The following NUDT10 variants were observed in gnomAD, a reference collection of about 807,000 sequenced individuals.
The protein encoded by NUDT10 is nudix hydrolase 10, also known as diphosphoinositol polyphosphate phosphohydrolase 3-alpha.
A neutral mutation model predicts 10.5 loss-of-function variants in NUDT10; 2 were observed. That is an observed-to-expected ratio of 0.19 (90% confidence interval 0.08 to 0.60). The LOEUF is 0.60. Among genes scored for constraint, NUDT10 ranks in the 20% least tolerant of loss-of-function variants. The pLI, the probability that NUDT10 is intolerant of heterozygous loss-of-function variation, is 0.89. For synonymous variants in NUDT10, 53 were observed against 71.8 expected, an observed-to-expected ratio of 0.74 and a Z score of 1.32; for missense variants, 75 against 149.5, an observed-to-expected ratio of 0.50 and a Z score of 2.60.
intron 1 of NUDT10, among the ~76,000 whole-genome samples, 181 bp downstream of exon 1, chrX:51,333,640 G>A (rs1922749995): frequency 9.3e-6 from 1 of 107,894 alleles, no homozygotes; most frequent in Non-Finnish European, 1.9e-5. Context: ...CAGTTGGCAC[G>A]TTTTTCAGTT....
At chrX:51,335,793 G>A (rs1922823194) in intron 1 of NUDT10, among the ~76,000 whole-genome samples, 1 of 112,121 alleles carries the variant, frequency 8.9e-6, no homozygotes, top group Admixed American at 9.4e-5. Flanking sequence ...GCTGGCCAGA[G>A]TTTTATTTTT....
Position 51,332,848 on chromosome X carries a change from T to C in NUDT10, c.-118T>C, listed in dbSNP as rs1922708522. ...GACGGCAGACGGAGGCGCCTCTCTC[T>C]CCCCGCCCCTCTCCTCGGCCCTTTC... is the stretch of plus-strand genomic sequence containing the variant. On this transcript the variant is annotated 5_prime_UTR_variant, in exon 1 of 2. Coordinates refer to ENST00000356450, the MANE Select transcript of NUDT10 (RefSeq NM_001304963.2). 6 of 1,036,372 alleles carry C rather than the reference T, an allele frequency of 5.8e-6. No individual in the cohort carries two copies. The highest frequency in any genetic ancestry group is 7.6e-6 in the Non-Finnish European group (6 of 786,862). The allele number at this position is 1,036,372 out of a possible 1,213,427, so 85.4% of individuals were successfully genotyped here. A position where few individuals can be genotyped will look rare whatever the true frequency, so the allele number is the denominator to read the frequency against.
upstream of NUDT10, chrX:51,332,702 G>C (rs1922697724): frequency 2.6e-6 from 1 of 378,068 alleles, no homozygotes; most frequent in Non-Finnish European, 4.5e-6. Context: ...CGGCGGGCCC[G>C]GGTTCGGCCG....
rs1557312203 is a variant in NUDT10 at position 51,332,833 on chromosome X, G to A, written c.-133G>A. On this transcript the variant is annotated 5_prime_UTR_variant, in exon 1 of 2. Transcript: ENST00000356450. ...CCGGGCTCGGGGGCAGACGGCAGAC[G>A]GAGGCGCCTCTCTCTCCCCGCCCCT... 5 of 982,573 alleles carry A rather than the reference G, an allele frequency of 5.1e-6. No homozygotes were observed. The highest frequency in any genetic ancestry group is 5.4e-5 in the South Asian group (2 of 36,926). 81.0% of individuals were successfully genotyped at this position (982,573 alleles called of 1,213,427 possible).
chrX:51,333,769 GGCGA>G (rs1922758416), intron 1 of NUDT10, among the ~76,000 whole-genome samples: 1 of 67,539 alleles, frequency 1.5e-5, no homozygotes, highest in African/African-American at 5.3e-5. Context: ...GGGGGTGGGG[GGCGA>G]GGGGTGGGCG....
At position 51,333,051 on chromosome X, in the gene NUDT10, G is replaced by T; in HGVS notation, c.86G>T (p.Arg29Leu). The T allele has an allele frequency of 2.5e-6, 3 of 1,210,702 alleles. No individual in the cohort carries two copies. The highest frequency in any genetic ancestry group is 3.4e-6 in the Non-Finnish European group (3 of 895,022). ...RAACLCFRSEREDEVLLVSSS... is the reference protein window; with the variant it reads ...RAACLCFRSELEDEVLLVSSS... ...GCGTGCCTGTGCTTCCGGAGCGAGCGCGAGGACGAGGTCCTGTTAGTGAGT... is the reference window on the plus strand; with the variant it reads ...GCGTGCCTGTGCTTCCGGAGCGAGCTCGAGGACGAGGTCCTGTTAGTGAGT... The change falls in exon 1 of 2, where the codon CGC becomes CTC. Residue 29 changes from arginine to leucine, a missense_variant. Arg to Leu is a moderately radical substitution (Grantham distance 102). Transcript: ENST00000356450.
rs1210872824 is a variant in NUDT10, at chrX:51,332,885, C to T, written c.-81C>T. 2.6e-6 allele frequency: 3 copies of T among 1,146,968 alleles called. No homozygotes were observed. The highest frequency in any genetic ancestry group is 3.6e-5 in the African/African-American group (2 of 55,477). 94.5% of individuals were successfully genotyped at this position (1,146,968 alleles called of 1,213,427 possible). A position where few individuals can be genotyped will look rare whatever the true frequency, so the allele number is the denominator to read the frequency against. The stretch of plus-strand genomic sequence containing the variant: ...TCCTCGGCCCTTTCTCTTCCCAGCA[C>T]CTCGGCTGCTGCCCGGCAGCGGCAG... On this transcript the variant is annotated 5_prime_UTR_variant, in exon 1 of 2. Coordinates refer to ENST00000356450, the MANE Select transcript of NUDT10 (RefSeq NM_001304963.2).
At chrX:51,333,541 A>G in intron 1 of NUDT10, 82 bp downstream of exon 1, 2 of 1,135,211 alleles carry the variant, frequency 1.8e-6, no homozygotes, top group Middle Eastern at 2.5e-4. Flanking sequence ...CTCTCGTACC[A>G]TGTGCGGTCT....
At chrX:51,332,612 G>A (rs1313508035), upstream of NUDT10, among the ~76,000 whole-genome samples, 3 of 112,934 alleles carry the variant, frequency 2.7e-5, no homozygotes, top group Non-Finnish European at 3.8e-5. Context: ...GGACGCGCCC[G>A]AGAATGCGCT....
chrX:51,332,696 G>A (rs1269613133), upstream of NUDT10: 2 of 366,840 alleles, frequency 5.5e-6, no homozygotes, highest in Admixed American at 5.1e-5. Flanking sequence ...CCACTCCGGC[G>A]GGCCCGGGTT....
chrX:51,335,190 C>T (rs1018917657), intron 1 of NUDT10, among the ~76,000 whole-genome samples: 14 of 107,947 alleles, frequency 1.3e-4, no homozygotes, highest in East Asian at 1.2e-3. Flanking sequence ...TCGTGGTGTG[C>T]GCCTGTAATC....
At chrX:51,332,376 G>C (rs1416894781), upstream of NUDT10, 1 of 113,358 alleles carries the variant, frequency 8.8e-6, no homozygotes, top group African/African-American at 3.2e-5. Context: ...CAGTGAGTTT[G>C]GGTCAAAGGC....
At chrX:51,336,168 C>T (rs1922833378) in intron 1 of NUDT10, 71 bp from the exon 2 acceptor site, 1 of 527,955 alleles carries the variant, frequency 1.9e-6, no homozygotes, top group Non-Finnish European at 3.4e-6. Context: ...AGTAGGTGCT[C>T]AATAAGTATT....
intron 1 of NUDT10, 40 bp downstream of exon 1, chrX:51,333,499 G>C: frequency 8.4e-7 from 1 of 1,197,249 alleles, no homozygotes; most frequent in South Asian, 1.8e-5. Flanking sequence ...CTGTTTGTCT[G>C]CCTTGCTTAA....
Position 51,332,876 on chromosome X carries a change from T to C in NUDT10, c.-90T>C, listed in dbSNP as rs1184874193. On this transcript the variant is annotated 5_prime_UTR_variant, in exon 1 of 2. Transcript: ENST00000356450. ...CCGCCCCTCTCCTCGGCCCTTTCTC[T>C]TCCCAGCACCTCGGCTGCTGCCCGG... 10 of 1,125,206 alleles carry C rather than the reference T, an allele frequency of 8.9e-6. No homozygotes were observed. Among genetic ancestry groups the C allele is most frequent in the Non-Finnish European group, 1.2e-5 (10 of 850,252 alleles). The allele number at this position is 1,125,206 out of a possible 1,213,427, so 92.7% of individuals were successfully genotyped here.
In NUDT10 at chrX:51,332,906, G is replaced by A. The variant is rs1922713731; in HGVS notation, c.-60G>A. The A allele has an allele frequency of 8.8e-7, 1 of 1,142,243 alleles. No individual in the cohort carries two copies. The highest frequency in any genetic ancestry group is 1.8e-5 in the African/African-American group (1 of 55,977). 94.1% of individuals were successfully genotyped at this position (1,142,243 alleles called of 1,213,427 possible). A position where few individuals can be genotyped will look rare whatever the true frequency, so the allele number is the denominator to read the frequency against. On this transcript the variant is annotated 5_prime_UTR_variant, in exon 1 of 2. Coordinates refer to ENST00000356450, the MANE Select transcript of NUDT10 (RefSeq NM_001304963.2). ...AGCACCTCGGCTGCTGCCCGGCAGC[G>A]GCAGCAGCTGCGTCGGCGGCCCACA...
In NUDT10 at chrX:51,332,961, C is replaced by A. The variant is rs1557312247; in HGVS notation, c.-5C>A. On this transcript the variant is annotated 5_prime_UTR_variant, in exon 1 of 2. Transcript: ENST00000356450. ...AGCGAGAGGCGAGAGGAGGCTGCCT[C>A]GAGGATGAAGTGCAAACCCAACCAG... 8.3e-7 allele frequency: 1 copy of A among 1,210,471 alleles called. No homozygotes were observed. The highest frequency in any genetic ancestry group is 3.0e-5 in the East Asian group (1 of 33,754).
upstream of NUDT10, among the ~76,000 whole-genome samples, chrX:51,332,636 GCGGGTGGGCTCT>G (rs2146579153): frequency 8.8e-6 from 1 of 113,120 alleles, no homozygotes; most frequent in East Asian, 2.9e-4. Context: ...CCTCGCAGAA[GCGGGTGGGCTCT>G]GTGGAGAGTC....
chrX:51,334,703 C>G (rs1273504540), intron 1 of NUDT10, among the ~76,000 whole-genome samples: 3 of 111,941 alleles, frequency 2.7e-5, no homozygotes, highest in Non-Finnish European at 5.6e-5. Flanking sequence ...AGCTAAATCT[C>G]TCTTCTGGAC....
Sources: gnomAD v4.1 joint callset for allele counts (sites outside exome capture counted in the v4.1 genomes callset) on GRCh38, gnomAD v4.1.1 for gene constraint, MANE v1.5 for transcripts, NCBI Gene and HGNC (gene_info 2026-07-23, HGNC 2026-07-21) for gene names.